The following AP1AR variants were observed in gnomAD, a reference collection of about 807,000 sequenced individuals.
AP1AR encodes adaptor related protein complex 1 associated regulatory protein.
AP1AR carries 29 observed loss-of-function variants against 46.3 expected under a neutral mutation model. The ratio of observed to expected loss-of-function variants is 0.63; its 90% CI spans 0.47 to 0.85. The LOEUF (loss-of-function observed/expected upper bound fraction) is 0.85. AP1AR is among the 40% of genes least tolerant of loss of function. AP1AR has a pLI of 0.00. For missense variants in AP1AR, 357 were observed against 356.3 expected, an observed-to-expected ratio of 1.00 and a Z score of -0.02; for synonymous variants, 122 against 122.9, an observed-to-expected ratio of 0.99 and a Z score of 0.05.
intron 8 of AP1AR, among the ~76,000 whole-genome samples, chr4:112,266,205 C>T (rs1450267075): frequency 1.3e-5 from 2 of 151,716 alleles, no homozygotes; most frequent in Non-Finnish European, 3.0e-5. Context: ...TCTTATGCTT[C>T]CCAATACTGG....
At chr4:112,249,050 T>C (rs775123390) in intron 1 of AP1AR, among the ~76,000 whole-genome samples, 2 of 152,100 alleles carry the variant, frequency 1.3e-5, no homozygotes, top group Non-Finnish European at 2.9e-5. Flanking sequence ...CCCAGCACTT[T>C]AGGAGGCTGA....
intron 8 of AP1AR, 36 bp from the exon 9 acceptor site, chr4:112,266,552 A>C: frequency 6.3e-7 from 1 of 1,598,886 alleles, no homozygotes. Context: ...GGAAGAGTAG[A>C]TGAGAGTATT....
At chr4:112,258,446 G>C (rs1726299803) in intron 4 of AP1AR, among the ~76,000 whole-genome samples, 1 of 152,184 alleles carries the variant, frequency 6.6e-6, no homozygotes, top group Non-Finnish European at 1.5e-5. Context: ...TGGTCTGGGA[G>C]ATAGATTCTC....
chr4:112,245,426 A>G (rs1725687549), intron 1 of AP1AR, among the ~76,000 whole-genome samples: 1 of 152,220 alleles, frequency 6.6e-6, no homozygotes, highest in Admixed American at 6.5e-5. Flanking sequence ...AAAGATATTT[A>G]TCTACACTTG....
intron 1 of AP1AR, 90 bp downstream of exon 1, chr4:112,232,264 G>C: frequency 1.7e-6 from 2 of 1,154,392 alleles, no homozygotes; most frequent in South Asian, 6.9e-5. Context: ...CCGGCGGCTG[G>C]AGGTGGCGGT....
At chr4:112,241,721 C>T (rs79311990) in intron 1 of AP1AR, among the ~76,000 whole-genome samples, 1 of 152,328 alleles carries the variant, frequency 6.6e-6, no homozygotes, top group East Asian at 1.9e-4. Context: ...ACCGTCACAT[C>T]ACCTTATGTC....
rs899101724 is a variant in AP1AR, at chr4:112,264,212, A to G, written c.382-797A>G. 2.6e-5 allele frequency among the ~76,000 whole-genome samples: 4 copies of G among 152,278 alleles called. No homozygotes were observed. In the South Asian group the frequency reaches 8.3e-4, roughly 32 times the overall value. On this transcript the variant is annotated intron_variant, in intron 6 of 9. Coordinates refer to ENST00000274000, the MANE Select transcript of AP1AR (RefSeq NM_018569.6). ...AGAAAAGTATTTTTCTGGTTATCAT[A>G]TAGACACTTTTTACTGTAATAGATT...
In AP1AR at chr4:112,260,832, A is replaced by G. The variant is rs1578419088; in HGVS notation, c.252A>G (p.Gln84=). ...ATTATGATTCCATTGCCGAAAAACA[A>G]AAAGATCTTGATAAGAAAATTCAAA... ...ERHYDSIAEK[Q]KDLDKKIQKE... The change falls in exon 5 of 10, where the codon CAA becomes CAG. Residue 84 remains glutamine, a synonymous_variant. Transcript: ENST00000274000. 2 of 1,604,634 alleles carry G rather than the reference A, an allele frequency of 1.2e-6. No individual in the cohort carries two copies. Among genetic ancestry groups the G allele is most frequent in the Non-Finnish European group, 1.7e-6 (2 of 1,175,392 alleles).
chr4:112,263,096 A>G lies in AP1AR; in HGVS notation c.381+10A>G, dbSNP rs776935273. On this transcript the variant is annotated intron_variant, in intron 6 of 9. Coordinates refer to ENST00000274000, the MANE Select transcript of AP1AR (RefSeq NM_018569.6). ...GCGAAAGCTCTTGGAGGTGAGGGGA[A>G]AAGACCCCAGCATATATTAGGGTTG... is the stretch of plus-strand genomic sequence containing the variant. 2 of 1,608,510 alleles carry G rather than the reference A, an allele frequency of 1.2e-6. No homozygotes were observed. Among genetic ancestry groups the G allele is most frequent in the South Asian group, 1.1e-5 (1 of 90,578 alleles).
At chr4:112,253,705 C>T (rs909938840) in intron 2 of AP1AR, among the ~76,000 whole-genome samples, 1 of 152,196 alleles carries the variant, frequency 6.6e-6, no homozygotes, top group Non-Finnish European at 1.5e-5. Flanking sequence ...AAACTAGCCA[C>T]TCCACCATAC....
chr4:112,246,395 A>G (rs913082209), intron 1 of AP1AR, among the ~76,000 whole-genome samples: 1 of 152,220 alleles, frequency 6.6e-6, no homozygotes, highest in African/African-American at 2.4e-5. Flanking sequence ...AGGCCCAGCT[A>G]CTTGGGAGGC....
chr4:112,272,189 A>AGAAG lies in AP1AR; in HGVS notation c.*3782_*3785dup, dbSNP rs1726981626. The stretch of plus-strand genomic sequence containing the variant: ...TAGCTGGAAGGGGATGTGGAGTTAT[A>AGAAG]GAAGGGTTTTTATTTAAAAGATACT... On this transcript the variant is annotated 3_prime_UTR_variant, in exon 10 of 10. Transcript: ENST00000274000. Among the ~76,000 whole-genome samples the AGAAG allele has an allele frequency of 1.3e-5, 2 of 152,162 alleles. No homozygotes were observed. Among genetic ancestry groups the AGAAG allele is most frequent in the African/African-American group, 4.8e-5 (2 of 41,426 alleles).
intron 1 of AP1AR, among the ~76,000 whole-genome samples, chr4:112,240,175 C>T (rs2110468111): frequency 6.6e-6 from 1 of 152,254 alleles, no homozygotes; most frequent in Middle Eastern, 3.4e-3. Flanking sequence ...TTATCTTTTC[C>T]TTGCCTACCT....
At chr4:112,263,181 G>A (rs1159842789) in intron 6 of AP1AR, 95 bp downstream of exon 6, 17 of 927,604 alleles carry the variant, frequency 1.8e-5, no homozygotes, top group Non-Finnish European at 2.6e-5. Flanking sequence ...CTATTCTCAA[G>A]GACTTCTTGT....
rs1198974367 is a variant in AP1AR at position 112,272,188 on chromosome 4, T to C, written c.*3779T>C. ...GTAGCTGGAAGGGGATGTGGAGTTA[T>C]AGAAGGGTTTTTATTTAAAAGATAC... On this transcript the variant is annotated 3_prime_UTR_variant, in exon 10 of 10. Coordinates refer to ENST00000274000, the MANE Select transcript of AP1AR (RefSeq NM_018569.6). 6.6e-6 allele frequency among the ~76,000 whole-genome samples: 1 copy of C among 152,002 alleles called. No homozygotes were observed. The highest frequency in any genetic ancestry group is 2.1e-4 in the South Asian group (1 of 4,824).
At position 112,266,690 on chromosome 4, in the gene AP1AR, T is replaced by C; in HGVS notation, c.617T>C (p.Leu206Ser). 1 of 1,609,558 alleles carries C rather than the reference T, an allele frequency of 6.2e-7. No individual in the cohort carries two copies. Among genetic ancestry groups the C allele is most frequent in the Non-Finnish European group, 8.5e-7 (1 of 1,177,330 alleles). ...AGTGGAAATGACGACAGCACATCCT[T>C]AGATCTAGAGTGGGAAGATGAAGAA... ...STSGNDDSTS[L>S]DLEWEDEEGM... is the part of the protein sequence containing the mutation. Residue 206 changes from leucine (L) to serine (S), a missense_variant, in exon 9 of 10, where the codon TTA becomes TCA. Transcript: ENST00000274000.
At chr4:112,264,091 T>C (rs1726570892) in intron 6 of AP1AR, among the ~76,000 whole-genome samples, 1 of 152,216 alleles carries the variant, frequency 6.6e-6, no homozygotes, top group African/African-American at 2.4e-5. Context: ...TTTCCCTCTC[T>C]CTCTCTGCTG....
chr4:112,241,323 T>A (rs1725488338), intron 1 of AP1AR, among the ~76,000 whole-genome samples: 1 of 152,178 alleles, frequency 6.6e-6, no homozygotes, highest in African/African-American at 2.4e-5. Context: ...GGTAGATATA[T>A]ATAAACAGAT....
intron 1 of AP1AR, among the ~76,000 whole-genome samples, chr4:112,249,126 C>G (rs1239280694): frequency 6.6e-6 from 1 of 152,006 alleles, no homozygotes; most frequent in African/African-American, 2.4e-5. Flanking sequence ...AACCCTGTCT[C>G]TACTAAAAAT....
Sources: allele counts gnomAD v4.1 joint callset (sites outside exome capture counted in the v4.1 genomes callset), GRCh38; gene constraint gnomAD v4.1.1; transcripts MANE v1.5; gene names NCBI Gene and HGNC (gene_info 2026-07-23, HGNC 2026-07-21).